The following SESTD1 variants were observed in gnomAD, a reference collection of about 807,000 sequenced individuals.
SESTD1 encodes the protein SEC14 and spectrin domain containing 1.
Under a neutral mutation model 101.7 loss-of-function variants are expected in SESTD1, and 43 were observed. That is an observed-to-expected ratio of 0.42 (90% CI 0.33 to 0.55). The LOEUF (loss-of-function observed/expected upper bound fraction) is 0.55, where lower values mean the gene tolerates loss of function less well. Among genes scored for constraint, SESTD1 ranks in the 20% least tolerant of loss-of-function variants. The pLI is 0.07. For synonymous variants in SESTD1, 283 were observed against 286.8 expected (o/e 0.99, Z 0.13); for missense variants, 647 against 815.1 (o/e 0.79, Z 2.51).
chr2:179,239,707 T>G (rs949954935), intron 1 of SESTD1, among the ~76,000 whole-genome samples: 1 of 152,208 alleles, frequency 6.6e-6, no homozygotes, highest in South Asian at 2.1e-4. Flanking sequence ...ATTATTAAGA[T>G]AGATTAAAAC....
chr2:179,201,468 G>A (rs2046510461), intron 1 of SESTD1, among the ~76,000 whole-genome samples: 2 of 132,266 alleles, frequency 1.5e-5, no homozygotes, highest in Admixed American at 1.5e-4. Context: ...AAAGACACAT[G>A]CACACGTATG....
intron 1 of SESTD1, among the ~76,000 whole-genome samples, chr2:179,192,084 T>C (rs1413181302): frequency 6.6e-6 from 1 of 152,108 alleles, no homozygotes; most frequent in Non-Finnish European, 1.5e-5. Flanking sequence ...CACCTCCCTT[T>C]CCCAGCTGTG....
chr2:179,146,313 A>T (rs1309652062), intron 8 of SESTD1, 89 bp downstream of exon 8: 1 of 1,233,000 alleles, frequency 8.1e-7, no homozygotes, highest in African/African-American at 1.5e-5. Context: ...CACATGTACC[A>T]CATTCATGCT....
chr2:179,126,118 A>G (rs2044867491), intron 10 of SESTD1, among the ~76,000 whole-genome samples: 1 of 152,240 alleles, frequency 6.6e-6, no homozygotes, highest in Non-Finnish European at 1.5e-5. Context: ...GCATTTTACT[A>G]CGCTGAAATT....
chr2:179,112,186 C>A, intron 17 of SESTD1, among the ~76,000 whole-genome samples: 1 of 152,124 alleles, frequency 6.6e-6, no homozygotes, highest in Non-Finnish European at 1.5e-5. Flanking sequence ...GGGTTTGGAG[C>A]CACACAGACA....
intron 5 of SESTD1, among the ~76,000 whole-genome samples, chr2:179,157,067 G>C (rs2045646599): frequency 6.6e-6 from 1 of 152,026 alleles, no homozygotes; most frequent in Non-Finnish European, 1.5e-5. Context: ...AGCACCATTT[G>C]TTGAAAAGGG....
intron 1 of SESTD1, among the ~76,000 whole-genome samples, chr2:179,259,650 T>C (rs1376986676): frequency 6.6e-6 from 1 of 152,206 alleles, no homozygotes; most frequent in Non-Finnish European, 1.5e-5. Flanking sequence ...GGGCTTAATG[T>C]TCTTTCCACC....
At chr2:179,114,702 G>A (rs1222614037) in intron 16 of SESTD1, among the ~76,000 whole-genome samples, 1 of 152,024 alleles carries the variant, frequency 6.6e-6, no homozygotes. Context: ...ACAATTAATA[G>A]CAGTTGCCAA....
chr2:179,195,527 TTAGA>T lies in SESTD1; in HGVS notation c.-25-3665_-25-3662del, dbSNP rs757350084. Among the ~76,000 whole-genome samples, 209 of 152,324 alleles carry T rather than the reference TTAGA, an allele frequency of 1.4e-3. 1 individual carries two copies. The highest frequency in any genetic ancestry group is 1.5e-3 in the Non-Finnish European group (105 of 68,024). On this transcript the variant is annotated intron_variant, in intron 1 of 17. Coordinates refer to ENST00000428443, the MANE Select transcript of SESTD1 (RefSeq NM_178123.5). ...AAACAGACTAAATAGAAACTTCAAC[TTAGA>T]TAGTCATACTTCAGGGGTTTAAAAT... is the stretch of plus-strand genomic sequence containing the variant.
At chr2:179,223,917 G>A (rs2046847831) in intron 1 of SESTD1, among the ~76,000 whole-genome samples, 1 of 152,126 alleles carries the variant, frequency 6.6e-6, no homozygotes, top group Admixed American at 6.6e-5. Flanking sequence ...GTATCTCAAA[G>A]TTTTCACATC....
intron 5 of SESTD1, among the ~76,000 whole-genome samples, chr2:179,165,012 T>A (rs1205613091): frequency 2.0e-5 from 3 of 152,058 alleles, no homozygotes; most frequent in Non-Finnish European, 4.4e-5. Flanking sequence ...CCAAGAAAAA[T>A]AATTTGCAAT....
intron 3 of SESTD1, among the ~76,000 whole-genome samples, chr2:179,180,796 TCTAGCATCGCAATGGAGAG>T (rs1404090798): frequency 4.6e-5 from 7 of 152,188 alleles, no homozygotes; most frequent in Admixed American, 4.6e-4. Context: ...TTAACTGCTC[TCTAGCATCGCAATGGAGAG>T]ATCAAAAACA....
intron 5 of SESTD1, among the ~76,000 whole-genome samples, chr2:179,169,828 G>A (rs939492769): frequency 6.6e-6 from 1 of 152,028 alleles, no homozygotes; most frequent in Non-Finnish European, 1.5e-5. Flanking sequence ...TGCAAAATTA[G>A]CTGGGTGTGG....
chr2:179,114,537 T>A (rs2044584876), intron 16 of SESTD1, among the ~76,000 whole-genome samples: 1 of 152,232 alleles, frequency 6.6e-6, no homozygotes, highest in Admixed American at 6.5e-5. Context: ...TTATTTTTTG[T>A]TTCTGAAATT....
At chr2:179,110,771 T>C (rs1355725225) in intron 17 of SESTD1, among the ~76,000 whole-genome samples, 1 of 152,180 alleles carries the variant, frequency 6.6e-6, no homozygotes, top group Non-Finnish European at 1.5e-5. Context: ...AGATTACCAT[T>C]ATATTAATAA....
intron 17 of SESTD1, among the ~76,000 whole-genome samples, chr2:179,112,116 G>A (rs1690481070): frequency 1.3e-5 from 2 of 152,098 alleles, no homozygotes; most frequent in South Asian, 4.1e-4. Context: ...AGATAATCAG[G>A]ACCCCATTCC....
chr2:179,186,788 T>C (rs2046239963), intron 2 of SESTD1, among the ~76,000 whole-genome samples: 1 of 150,740 alleles, frequency 6.6e-6, no homozygotes, highest in African/African-American at 2.4e-5. Context: ...CCCAGGTTCA[T>C]GCCATTCAGG....
chr2:179,125,744 T>C (rs1302622152), intron 10 of SESTD1, among the ~76,000 whole-genome samples: 1 of 152,258 alleles, frequency 6.6e-6, no homozygotes, highest in Non-Finnish European at 1.5e-5. Flanking sequence ...TGATCATTTA[T>C]GTTTTTTTCA....
At chr2:179,205,173 G>C (rs2046573469) in intron 1 of SESTD1, among the ~76,000 whole-genome samples, 1 of 129,138 alleles carries the variant, frequency 7.7e-6, no homozygotes. Context: ...GAGTTTAGTA[G>C]ACAGTCTCCA....
Sources: gnomAD v4.1 joint callset for allele counts (sites outside exome capture counted in the v4.1 genomes callset) on GRCh38, gnomAD v4.1.1 for gene constraint, MANE v1.5 for transcripts, NCBI Gene and HGNC (gene_info 2026-07-23, HGNC 2026-07-21) for gene names.